ART3: variants seen among roughly 807,000 people sequenced by gnomAD.
The protein encoded by ART3 is ecto-ADP-ribosyltransferase 3.
ART3 carries 49 observed loss-of-function variants against 48.5 expected under a neutral mutation model. The observed-to-expected ratio is 1.01, with a 90% CI of 0.80 to 1.28. The LOEUF is 1.28. Among genes scored for constraint, ART3 ranks in the 50% most tolerant of loss-of-function variants. The probability of loss-of-function intolerance (pLI) is 0.00; values close to 1 mark genes in which losing one functional copy is unlikely to be tolerated. For synonymous variants in ART3, 145 were observed against 157.2 expected (o/e 0.92, Z 0.58); for missense variants, 438 against 454.3 (o/e 0.96, Z 0.33).
At chr4:76,080,108 T>C (rs1722131662) in intron 2 of ART3, among the ~76,000 whole-genome samples, 1 of 152,152 alleles carries the variant, frequency 6.6e-6, no homozygotes, top group Non-Finnish European at 1.5e-5. Flanking sequence ...GGAAGAGGCA[T>C]TATCCTTTTA....
intron 1 of ART3, among the ~76,000 whole-genome samples, chr4:76,031,593 T>C (rs963288004): frequency 6.6e-6 from 1 of 152,200 alleles, no homozygotes; most frequent in African/African-American, 2.4e-5. Flanking sequence ...AAATTCAAGG[T>C]TATTTACAGT....
At chr4:76,080,760 C>T (rs771786448) in intron 2 of ART3, among the ~76,000 whole-genome samples, 34 of 152,146 alleles carry the variant, frequency 2.2e-4, no homozygotes, top group Non-Finnish European at 4.3e-4. Flanking sequence ...CTGCCCGCCT[C>T]GGCCTCCCAG....
intron 1 of ART3, among the ~76,000 whole-genome samples, chr4:76,055,783 A>T (rs1718628778): frequency 6.6e-6 from 1 of 152,200 alleles, no homozygotes; most frequent in Non-Finnish European, 1.5e-5. Context: ...ATTATGTGAG[A>T]CTTGTTAAAA....
In ART3 at chr4:76,069,386, CTT is replaced by C. The variant is rs34858048; in HGVS notation, c.-9-6475_-9-6474del. Among the ~76,000 whole-genome samples the C allele has an allele frequency of 6.8e-4, 75 of 110,104 alleles. No homozygotes were observed. In the East Asian group the frequency reaches 8.3e-3, roughly 12 times the overall value. 72.2% of individuals were successfully genotyped at this position (110,104 alleles called of 152,430 possible). A position where few individuals can be genotyped will look rare whatever the true frequency, so the allele number is the denominator to read the frequency against. On this transcript the variant is annotated intron_variant, in intron 1 of 9. Coordinates refer to the ART3 transcript ENST00000341029. ...ATGTAAATGTATCAGTACTTAATTC[CTT>C]TTTTTTTTTTTTTTTTTTTGAGACA...
intron 3 of ART3, among the ~76,000 whole-genome samples, chr4:76,090,667 A>G (rs1724677381): frequency 6.6e-6 from 1 of 152,210 alleles, no homozygotes; most frequent in African/African-American, 2.4e-5. Context: ...GTAGGGAACT[A>G]GAGACCAGAT....
At chr4:76,106,588 T>C (rs1728525838) in intron 10 of ART3, among the ~76,000 whole-genome samples, 1 of 152,176 alleles carries the variant, frequency 6.6e-6, no homozygotes, top group African/African-American at 2.4e-5. Context: ...CATACATCAT[T>C]CTGCAGCTGC....
chr4:76,082,083 C>G lies in ART3; in HGVS notation c.329C>G (p.Pro110Arg). Residue 110 changes from proline (P) to arginine (R), a missense_variant, in exon 3 of 12, where the codon CCC (proline) becomes CGC (arginine). By Grantham distance (103) the Pro-to-Arg change is moderately radical. Coordinates refer to ENST00000355810, the MANE Select transcript of ART3 (RefSeq NM_001130016.3). ...ATTTCCGAAGCTCAAGAGCAAACTC[C>G]CTTTTACCATCTGTTCAGTGAAGCT... ...AYISEAQEQT[P>R]FYHLFSEAVK... The G allele has an allele frequency of 1.9e-6, 3 of 1,614,194 alleles. No homozygotes were observed. The highest frequency in any genetic ancestry group is 2.5e-6 in the Non-Finnish European group (3 of 1,180,038).
rs532270646 is a variant in ART3 at position 76,036,479 on chromosome 4, TC to T, written c.-10+25161del. 2.7e-3 allele frequency among the ~76,000 whole-genome samples: 410 copies of T among 152,240 alleles called. 2 individuals carry two copies. Among genetic ancestry groups the T allele is most frequent in the Non-Finnish European group, 3.6e-3 (247 of 68,020 alleles). ...TTATTATCTCACTTTTGCTTTTCAG[TC>T]CAAACTCTTATAATAGATAAGGCCT... On this transcript the variant is annotated intron_variant, in intron 1 of 9. Coordinates refer to the ART3 transcript ENST00000341029.
At chr4:76,088,554 C>T (rs764614543) in intron 3 of ART3, among the ~76,000 whole-genome samples, 1 of 152,146 alleles carries the variant, frequency 6.6e-6, no homozygotes, top group Admixed American at 6.5e-5. Context: ...AAATCTACCC[C>T]AGCCCTTGTG....
At chr4:76,037,275 CTTTGT>C (rs1734518256) in intron 1 of ART3, among the ~76,000 whole-genome samples, 4 of 152,012 alleles carry the variant, frequency 2.6e-5, no homozygotes, top group East Asian at 3.9e-4. Context: ...CTTCCTAAAT[CTTTGT>C]TTTAAGTGTG....
chr4:76,050,608 A>G (rs1014088726), intron 1 of ART3, among the ~76,000 whole-genome samples: 2 of 152,196 alleles, frequency 1.3e-5, no homozygotes, highest in African/African-American at 4.8e-5. Context: ...TGGATCCCGC[A>G]CCAGGGCTGC....
intron 1 of ART3, among the ~76,000 whole-genome samples, chr4:76,040,637 A>G (rs980848641): frequency 7.3e-5 from 11 of 151,002 alleles, no homozygotes; most frequent in Non-Finnish European, 1.3e-4. Flanking sequence ...CTACTGCATA[A>G]TCTTCCTCAC....
intron 1 of ART3, chr4:76,034,344 A>G (rs919855600): frequency 1.5e-5 from 6 of 406,254 alleles, no homozygotes; most frequent in African/African-American, 8.2e-5. Context: ...GTAATATAGC[A>G]TAAAGATCAA....
chr4:76,066,784 C>T (rs1719774316), intron 1 of ART3, among the ~76,000 whole-genome samples: 1 of 152,128 alleles, frequency 6.6e-6, no homozygotes, highest in Non-Finnish European at 1.5e-5. Context: ...TACTGGAGAC[C>T]CACCCCCTTC....
At chr4:76,043,648 G>C (rs563085389) in intron 1 of ART3, among the ~76,000 whole-genome samples, 28 of 152,098 alleles carry the variant, frequency 1.8e-4, no homozygotes, top group African/African-American at 5.3e-4. Flanking sequence ...GCGCAGCCCT[G>C]GTTCCCACTG....
At chr4:76,040,444 A>ACACACACACG (rs1553926432) in intron 1 of ART3, among the ~76,000 whole-genome samples, 28 of 128,930 alleles carry the variant, frequency 2.2e-4, no homozygotes, top group Non-Finnish European at 4.1e-4. Context: ...GGATACACAC[A>ACACACACACG]CACACACACA....
intron 8 of ART3, among the ~76,000 whole-genome samples, chr4:76,101,608 C>A (rs60337837): frequency 0.013 from 1,911 of 152,066 alleles, 43 homozygotes; most frequent in African/African-American, 0.043. Flanking sequence ...AAAAATTAGC[C>A]GGGCATGGTG....
At chr4:76,104,213 G>A in intron 9 of ART3, 1 of 493,086 alleles carries the variant, frequency 2.0e-6, no homozygotes, top group Non-Finnish European at 2.6e-6. Flanking sequence ...TGTTGCTGAG[G>A]GGAAGGCTCC....
At chr4:76,054,430 TA>T (rs11446760) in intron 1 of ART3, among the ~76,000 whole-genome samples, 2 of 151,824 alleles carry the variant, frequency 1.3e-5, no homozygotes, top group Non-Finnish European at 2.9e-5. Context: ...AGTGCGAATA[TA>T]AAAAAAATAG....
Sources: allele counts gnomAD v4.1 joint callset (sites outside exome capture counted in the v4.1 genomes callset), GRCh38; gene constraint gnomAD v4.1.1; transcripts MANE v1.5; gene names NCBI Gene and HGNC (gene_info 2026-07-23, HGNC 2026-07-21).